Variants in TRMT9B observed in about 807,000 individuals in gnomAD.
TRMT9B encodes the protein tRNA methyltransferase 9B (putative), also known as probable tRNA methyltransferase 9B.
A neutral mutation model predicts 11.5 loss-of-function variants in TRMT9B; 16 were observed. That is an observed-to-expected ratio of 1.39 (90% confidence interval 0.94 to 2.11). TRMT9B has a LOEUF of 2.11. TRMT9B is among the 30% of genes most tolerant of loss of function. The pLI is 0.00. For synonymous variants in TRMT9B, 274 were observed against 192.4 expected (o/e 1.42, Z -3.51); for missense variants, 941 against 553.8 (o/e 1.70, Z -7.02).
At chr8:13,014,215 C>T (rs935848197) in intron 4 of TRMT9B, among the ~76,000 whole-genome samples, 2 of 152,200 alleles carry the variant, frequency 1.3e-5, no homozygotes, top group Admixed American at 6.5e-5. Context: ...CTGATAGTCT[C>T]ATTTGCAGTT....
At chr8:12,980,576 G>A (rs1805198454) in intron 1 of TRMT9B, among the ~76,000 whole-genome samples, 1 of 152,042 alleles carries the variant, frequency 6.6e-6, no homozygotes, top group South Asian at 2.1e-4. Flanking sequence ...GAGTTGAGTA[G>A]AAAATGCCGT....
intron 2 of TRMT9B, among the ~76,000 whole-genome samples, chr8:12,991,493 G>C (rs1488148526): frequency 1.3e-5 from 2 of 152,154 alleles, no homozygotes; most frequent in African/African-American, 4.8e-5. Flanking sequence ...GTTTAAGTGT[G>C]TCTTTGAAAT....
intron 3 of TRMT9B, chr8:13,010,156 T>A: frequency 2.9e-6 from 2 of 692,834 alleles, no homozygotes; most frequent in Non-Finnish European, 3.5e-6. Flanking sequence ...AAAAAAAGTC[T>A]CACAAATAAT....
chr8:12,986,705 G>A (rs143280263), intron 1 of TRMT9B, among the ~76,000 whole-genome samples: 3 of 152,210 alleles, frequency 2.0e-5, no homozygotes, highest in African/African-American at 4.8e-5. Flanking sequence ...GATAGTAGTG[G>A]TACATTGTAC....
At chr8:12,983,724 G>T (rs1475662325) in intron 1 of TRMT9B, among the ~76,000 whole-genome samples, 1 of 152,058 alleles carries the variant, frequency 6.6e-6, no homozygotes, top group Non-Finnish European at 1.5e-5. Context: ...ATCCCTAGAG[G>T]CCCCTCTTTT....
At chr8:12,980,400 C>CT (rs562389391) in intron 1 of TRMT9B, among the ~76,000 whole-genome samples, 1 of 136,750 alleles carries the variant, frequency 7.3e-6, no homozygotes, top group Admixed American at 8.5e-5. Context: ...CATCTATAAA[C>CT]CCTTTTTTCC....
rs1425726659 is a variant in TRMT9B, at chr8:13,023,086, T to C, written c.*1042T>C. 1 of 167,098 alleles carries C rather than the reference T, an allele frequency of 6.0e-6. No individual in the cohort carries two copies. Among genetic ancestry groups the C allele is most frequent in the African/African-American group, 2.4e-5 (1 of 41,448 alleles). 10.4% of individuals were successfully genotyped at this position (167,098 alleles called of 1,614,324 possible). ...AAGTACCCAAGTGGTATTCTTCCAATCTTATTAGAAGCATGAATATTCAAG... is the reference window on the plus strand; with the variant it reads ...AAGTACCCAAGTGGTATTCTTCCAACCTTATTAGAAGCATGAATATTCAAG... On this transcript the variant is annotated 3_prime_UTR_variant, in exon 5 of 5. Transcript: ENST00000524591.
intron 1 of TRMT9B, among the ~76,000 whole-genome samples, chr8:12,947,482 C>G (rs949958610): frequency 1.3e-5 from 2 of 152,150 alleles, no homozygotes; most frequent in African/African-American, 4.8e-5. Flanking sequence ...CCCTCAATGG[C>G]TAAGAGCCAG....
chr8:12,985,243 G>C (rs919879060), intron 1 of TRMT9B, among the ~76,000 whole-genome samples: 9 of 152,144 alleles, frequency 5.9e-5, no homozygotes, highest in African/African-American at 2.2e-4. Flanking sequence ...AGAGAGGATC[G>C]TATTCTCCCG....
intron 1 of TRMT9B, among the ~76,000 whole-genome samples, chr8:12,952,858 G>T (rs967769429): frequency 2.6e-5 from 4 of 152,146 alleles, no homozygotes; most frequent in Non-Finnish European, 5.9e-5. Context: ...CCTTGCGTCA[G>T]TCTTCTGAGT....
chr8:13,012,714 A>C lies in TRMT9B; in HGVS notation c.185A>C (p.Asn62Thr), dbSNP rs749211078. ...GCGTGKYLKV[N>T]SQVHTVGCDY... ...GGGACTGGAAAATATCTTAAAGTGA[A>C]CAGCCAGGTACATACCGTGGGCTGT... is the stretch of plus-strand genomic sequence containing the variant. Residue 62 changes from asparagine to threonine, a missense_variant, in exon 4 of 5, where the codon AAC (asparagine) becomes ACC (threonine). Coordinates refer to ENST00000524591, the MANE Select transcript of TRMT9B (RefSeq NM_020844.3). 32 of 1,613,344 alleles carry C rather than the reference A, an allele frequency of 2.0e-5. No individual in the cohort carries two copies. The highest frequency in any genetic ancestry group is 2.5e-5 in the Non-Finnish European group (30 of 1,179,646).
At chr8:12,954,095 TG>T in intron 1 of TRMT9B, among the ~76,000 whole-genome samples, 1 of 152,332 alleles carries the variant, frequency 6.6e-6, no homozygotes, top group Non-Finnish European at 1.5e-5. Flanking sequence ...GATGTGAAAT[TG>T]GGAATACCCT....
chr8:12,977,364 G>A (rs2128871313), intron 1 of TRMT9B, among the ~76,000 whole-genome samples: 2 of 152,272 alleles, frequency 1.3e-5, no homozygotes, highest in African/African-American at 4.8e-5. Flanking sequence ...AAGCCCTAGA[G>A]TGTCAAGCAA....
intron 4 of TRMT9B, among the ~76,000 whole-genome samples, chr8:13,014,026 T>C (rs1336366604): frequency 1.3e-5 from 2 of 152,206 alleles, no homozygotes; most frequent in African/African-American, 4.8e-5. Context: ...AATGGAGTTA[T>C]TCATAACAAA....
At chr8:13,020,016 A>G (rs1039033880) in intron 4 of TRMT9B, among the ~76,000 whole-genome samples, 1 of 152,148 alleles carries the variant, frequency 6.6e-6, no homozygotes, top group Non-Finnish European at 1.5e-5. Context: ...TACTAGTTTG[A>G]TCTGTACACA....
Position 13,021,737 on chromosome 8 carries a change from C to G in TRMT9B, c.1058C>G (p.Thr353Ser). Residue 353 changes from threonine to serine, a missense_variant, in exon 5 of 5, where the codon ACT becomes AGT. Thr to Ser is a moderately conservative substitution (Grantham distance 58, BLOSUM62 1). Transcript: ENST00000524591. ...RNGGGNFLDS[T>S]NTGVNCVDAG... Reference sequence around the variant, plus strand: ...GGAGGGGGAAATTTTCTGGATAGCACTAATACTGGTGTGAATTGTGTGGAT... The same window carrying G: ...GGAGGGGGAAATTTTCTGGATAGCAGTAATACTGGTGTGAATTGTGTGGAT... The G allele has an allele frequency of 6.2e-7, 1 of 1,613,926 alleles. No individual in the cohort carries two copies. The highest frequency in any genetic ancestry group is 8.5e-7 in the Non-Finnish European group (1 of 1,179,872).
intron 3 of TRMT9B, chr8:13,010,402 G>C: frequency 4.1e-6 from 4 of 983,482 alleles, no homozygotes; most frequent in Non-Finnish European, 4.8e-6. Context: ...ATGGTAATAT[G>C]ACTGTCCTCT....
intron 1 of TRMT9B, among the ~76,000 whole-genome samples, chr8:12,978,691 C>A (rs538811377): frequency 6.6e-6 from 1 of 152,186 alleles, no homozygotes; most frequent in South Asian, 2.1e-4. Flanking sequence ...ACTTGCTACA[C>A]CTTAGTTATC....
chr8:12,972,587 G>T (rs543070066), intron 1 of TRMT9B, among the ~76,000 whole-genome samples: 1 of 152,252 alleles, frequency 6.6e-6, no homozygotes, highest in East Asian at 1.9e-4. Context: ...GGCTCCCTAT[G>T]GTGTCCCCTT....
Sources: allele counts gnomAD v4.1 joint callset (sites outside exome capture counted in the v4.1 genomes callset), GRCh38; gene constraint gnomAD v4.1.1; transcripts MANE v1.5; gene names NCBI Gene and HGNC (gene_info 2026-07-23, HGNC 2026-07-21).